Variants in MTUS2 observed in about 807,000 individuals in gnomAD.
MTUS2 encodes the protein microtubule associated scaffold protein 2.
MTUS2 carries 40 observed loss-of-function variants against 114.1 expected under a neutral mutation model. The ratio of observed to expected loss-of-function variants is 0.35; its 90% CI spans 0.27 to 0.46. The LOEUF (loss-of-function observed/expected upper bound fraction) is 0.46. Among genes scored for constraint, MTUS2 ranks in the 20% least tolerant of loss-of-function variants. The pLI is 1.00. For missense variants in MTUS2, 1,679 were observed against 1,705.4 expected (o/e 0.98, Z 0.27); for synonymous variants, 688 against 672.0 (o/e 1.02, Z -0.37).
intron 8 of MTUS2, among the ~76,000 whole-genome samples, chr13:29,394,739 T>C (rs1175395042): frequency 6.6e-6 from 1 of 152,182 alleles, no homozygotes; most frequent in Non-Finnish European, 1.5e-5. Flanking sequence ...AGGTGAGCAG[T>C]GGGCGAGCGC....
chr13:28,886,154 G>A (rs1009897093), intron 2 of MTUS2, among the ~76,000 whole-genome samples: 6 of 152,174 alleles, frequency 3.9e-5, no homozygotes. Context: ...GGATGTAGGG[G>A]CCATACCAAG....
At chr13:29,164,922 A>C (rs1893252141) in intron 5 of MTUS2, among the ~76,000 whole-genome samples, 1 of 152,254 alleles carries the variant, frequency 6.6e-6, no homozygotes, top group African/African-American at 2.4e-5. Flanking sequence ...GGCTTATTTA[A>C]GGTAGAAATG....
chr13:29,006,492 C>T (rs1021070606), intron 2 of MTUS2, among the ~76,000 whole-genome samples: 3 of 152,026 alleles, frequency 2.0e-5, no homozygotes, highest in African/African-American at 4.8e-5. Flanking sequence ...ATTTTTAGGT[C>T]CATTCGAATG....
chr13:29,196,933 G>A, intron 5 of MTUS2, among the ~76,000 whole-genome samples: 1 of 152,150 alleles, frequency 6.6e-6, no homozygotes, highest in East Asian at 1.9e-4. Context: ...ATCTGTTTCA[G>A]TTCCTGCTTG....
chr13:29,328,289 A>G (rs1900614948), intron 7 of MTUS2, among the ~76,000 whole-genome samples: 1 of 152,284 alleles, frequency 6.6e-6, no homozygotes, highest in Non-Finnish European at 1.5e-5. Flanking sequence ...GGCCCAGGCC[A>G]CACAATCTCA....
rs555682911 is a variant in MTUS2, at chr13:29,399,575, A to T, written c.3117+40102A>T. ...AAACTTAATGGAGCTCAGTTACAGA[A>T]TAGATAATTCATGAACTGAAAATTT... On this transcript the variant is annotated intron_variant, in intron 8 of 15. Transcript: ENST00000612955. Among the ~76,000 whole-genome samples, 23 of 152,362 alleles carry T rather than the reference A, an allele frequency of 1.5e-4. 1 individual carries two copies. In the East Asian group the frequency reaches 4.2e-3, roughly 28 times the overall value.
At chr13:29,348,455 A>G (rs1349577942) in intron 7 of MTUS2, among the ~76,000 whole-genome samples, 1 of 152,148 alleles carries the variant, frequency 6.6e-6, no homozygotes, top group Non-Finnish European at 1.5e-5. Flanking sequence ...TTTTAAATTT[A>G]TTGAGCCTTG....
intron 6 of MTUS2, among the ~76,000 whole-genome samples, chr13:29,285,769 A>C (rs1455606051): frequency 6.6e-6 from 1 of 152,186 alleles, no homozygotes; most frequent in African/African-American, 2.4e-5. Context: ...TGTAGATTAC[A>C]AAAAAATGTA....
intron 8 of MTUS2, among the ~76,000 whole-genome samples, chr13:29,364,327 A>C (rs538794689): frequency 6.6e-6 from 1 of 151,958 alleles, no homozygotes; most frequent in South Asian, 2.1e-4. Context: ...GCGTATTGGG[A>C]CGAGAACACC....
At chr13:29,445,031 C>T (rs1200535864) in intron 9 of MTUS2, among the ~76,000 whole-genome samples, 1 of 152,172 alleles carries the variant, frequency 6.6e-6, no homozygotes, top group Non-Finnish European at 1.5e-5. Flanking sequence ...TTTATACCTT[C>T]CCATTTGTGA....
At chr13:28,946,817 T>C (rs1006132574) in intron 2 of MTUS2, among the ~76,000 whole-genome samples, 1 of 152,176 alleles carries the variant, frequency 6.6e-6, no homozygotes, top group Admixed American at 6.5e-5. Flanking sequence ...CCCAAACTGC[T>C]TGGATTCCAG....
At chr13:29,108,926 G>A (rs1004805002) in intron 5 of MTUS2, among the ~76,000 whole-genome samples, 4 of 152,120 alleles carry the variant, frequency 2.6e-5, no homozygotes, top group Non-Finnish European at 5.9e-5. Context: ...AACAACTAGA[G>A]GTGGGAGAAG....
chr13:29,091,745 C>A (rs1889962296), intron 4 of MTUS2, among the ~76,000 whole-genome samples: 1 of 152,204 alleles, frequency 6.6e-6, no homozygotes, highest in South Asian at 2.1e-4. Context: ...AGCCCTACCC[C>A]AATCTCATAA....
At chr13:29,383,990 T>C (rs1433728536) in intron 8 of MTUS2, among the ~76,000 whole-genome samples, 13 of 152,224 alleles carry the variant, frequency 8.5e-5, no homozygotes, top group Admixed American at 7.9e-4. Flanking sequence ...TAAAATAAGT[T>C]GACCTATATT....
At position 28,836,707 on chromosome 13, in the gene MTUS2, C is replaced by G. The variant is rs951013064; in HGVS notation, c.-315-3071C>G. Among the ~76,000 whole-genome samples the G allele has an allele frequency of 3.3e-5, 5 of 152,090 alleles. No individual in the cohort carries two copies. In the South Asian group the frequency reaches 1.0e-3, roughly 31 times the overall value. ...TTCTAGGAGGAGGCAGGAGCAAGGG[C>G]AGGGAGGCTTGCAACAGCACTGCCC... On this transcript the variant is annotated intron_variant, in intron 1 of 15. Coordinates refer to ENST00000612955, the MANE Select transcript of MTUS2 (RefSeq NM_001033602.4).
At chr13:28,854,085 C>A (rs1034382403) in intron 2 of MTUS2, among the ~76,000 whole-genome samples, 1 of 152,168 alleles carries the variant, frequency 6.6e-6, no homozygotes, top group African/African-American at 2.4e-5. Context: ...ACTTGCTATT[C>A]AAAGCGTGGT....
At chr13:29,430,014 A>G (rs2138635783) in intron 8 of MTUS2, among the ~76,000 whole-genome samples, 1 of 152,344 alleles carries the variant, frequency 6.6e-6, no homozygotes, top group Non-Finnish European at 1.5e-5. Context: ...TGCTACCATG[A>G]GTATGAACTA....
chr13:29,390,664 AAG>A (rs201840258), intron 8 of MTUS2, among the ~76,000 whole-genome samples: 4,126 of 148,356 alleles, frequency 0.028, 290 homozygotes, highest in African/African-American at 0.1. Flanking sequence ...AAAAAAAAAA[AAG>A]AAAGAAAGAA....
chr13:29,376,055 G>GTGTATA (rs1358517753), intron 8 of MTUS2, among the ~76,000 whole-genome samples: 20 of 151,836 alleles, frequency 1.3e-4, no homozygotes, highest in African/African-American at 4.6e-4. Flanking sequence ...GTGTGTGTGT[G>GTGTATA]TGTGTATATA....
Sources: allele counts gnomAD v4.1 joint callset (sites outside exome capture counted in the v4.1 genomes callset), GRCh38; gene constraint gnomAD v4.1.1; transcripts MANE v1.5; gene names NCBI Gene and HGNC (gene_info 2026-07-23, HGNC 2026-07-21).